Variants in MPZ observed in about 807,000 individuals in gnomAD.
The protein encoded by MPZ is myelin protein zero, also known as myelin protein P0.
MPZ carries 13 observed loss-of-function variants against 27.9 expected under a neutral mutation model. That is an observed-to-expected ratio of 0.47 (90% confidence interval 0.30 to 0.74). MPZ has a LOEUF of 0.74. Ranked by LOEUF, MPZ falls within the 30% of genes least tolerant of loss-of-function variation. MPZ has a pLI of 0.06. For synonymous variants in MPZ, 118 were observed against 128.9 expected, an observed-to-expected ratio of 0.92 and a Z score of 0.57; for missense variants, 256 against 317.5, an observed-to-expected ratio of 0.81 and a Z score of 1.47.
chr1:161,306,016 G>A lies in MPZ; in HGVS notation c.646-39C>T, dbSNP rs549026260. On this transcript the variant is annotated intron_variant, in intron 5 of 5. Transcript: ENST00000533357. ...GCACACATCAGTCACCGAGCGACTG[G>A]GGCTTGACTGTTCCCATCCCACCCC... The A allele has an allele frequency of 9.3e-6, 15 of 1,609,086 alleles. No individual in the cohort carries two copies. In the East Asian group the frequency reaches 3.1e-4, roughly 33 times the overall value.
intron 1 of MPZ, 129 bp from the exon 2 acceptor site, chr1:161,307,553 T>A: frequency 1.0e-6 from 1 of 992,214 alleles, no homozygotes; most frequent in South Asian, 1.5e-5. Flanking sequence ...AACAACAAAT[T>A]CTGAGCCCCA....
chr1:161,304,313 C>G (rs1455467543), downstream of MPZ, among the ~76,000 whole-genome samples: 1 of 152,144 alleles, frequency 6.6e-6, no homozygotes, highest in Non-Finnish European at 1.5e-5. Context: ...TTTCCATACA[C>G]AGGATCTCAT....
chr1:161,307,048 C>T lies in MPZ; in HGVS notation c.235-127G>A, dbSNP rs557850132. The T allele has an allele frequency of 7.4e-5, 71 of 963,736 alleles. No homozygotes were observed. In the South Asian group the frequency reaches 9.0e-4, roughly 12 times the overall value. The allele number at this position is 963,736 out of a possible 1,614,324, so 59.7% of individuals were successfully genotyped here. ...AAAAAAAAAAAAAAAAGCTTCGCTCCAGCCTCAGGGTAAGGGATCTTGGGC... is the reference window on the plus strand; with the variant it reads ...AAAAAAAAAAAAAAAAGCTTCGCTCTAGCCTCAGGGTAAGGGATCTTGGGC... On this transcript the variant is annotated intron_variant, in intron 2 of 5. Transcript: ENST00000533357.
At chr1:161,306,944 T>C (rs1670271121) in intron 2 of MPZ, 23 bp from the exon 3 acceptor site, 2 of 1,543,012 alleles carry the variant, frequency 1.3e-6, no homozygotes, top group Non-Finnish European at 1.8e-6. Flanking sequence ...AGGGGAAGCA[T>C]GTGAGAGGAC....
chr1:161,306,224 G>T lies in MPZ; in HGVS notation c.585-56C>A, dbSNP rs55880062. ...CCTCGCCGGAACCCCTTGCACCGCG[G>T]ACACAGCTTCCTCTTCCCCTTGGCC... On this transcript the variant is annotated intron_variant, in intron 4 of 5. Coordinates refer to ENST00000533357, the MANE Select transcript of MPZ (RefSeq NM_000530.8). 769 of 1,611,938 alleles carry T rather than the reference G, an allele frequency of 4.8e-4. 5 individuals carry two copies. The African/African-American group carries it at 9.2e-3, about 19-fold the overall frequency.
rs540599381 is a variant in MPZ at position 161,307,262 on chromosome 1, A to G, written c.230T>C (p.Ile77Thr). 6 of 1,614,126 alleles carry G rather than the reference A, an allele frequency of 3.7e-6. No homozygotes were observed. The highest frequency in any genetic ancestry group is 5.1e-6 in the Non-Finnish European group (6 of 1,180,048). Residue 77 changes from isoleucine to threonine, a missense_variant, in exon 2 of 6, where the codon ATT becomes ACT. Physicochemically the swap from Ile to Thr is moderately conservative, Grantham distance 89. Coordinates refer to ENST00000533357, the MANE Select transcript of MPZ (RefSeq NM_000530.8). ...RYQPEGGRDA[I>T]SIFHYAKGQP... ...AGGATTCCCCCAGGCACTCACCGAA[A>G]TGGCATCTCTGCCCCCTTCGGGCTG... is the stretch of plus-strand genomic sequence containing the variant.
At chr1:161,309,314 G>A (rs1163615789) in intron 1 of MPZ, among the ~76,000 whole-genome samples, 1 of 151,972 alleles carries the variant, frequency 6.6e-6, no homozygotes, top group Admixed American at 6.6e-5. Context: ...GCACTGCTAG[G>A]GGACGAGTGG....
intron 1 of MPZ, among the ~76,000 whole-genome samples, chr1:161,309,552 A>ATATATATATTTTTTTTTTTT: frequency 5.0e-5 from 4 of 80,644 alleles, no homozygotes; most frequent in African/African-American, 2.3e-4. Context: ...ATATATATAT[A>ATATATATATTTTTTTTTTTT]TTTTTTTTTT....
intron 1 of MPZ, among the ~76,000 whole-genome samples, chr1:161,309,552 A>ATATATATT: frequency 9.9e-5 from 8 of 80,630 alleles, no homozygotes; most frequent in African/African-American, 2.9e-4. Context: ...ATATATATAT[A>ATATATATT]TTTTTTTTTT....
Position 161,305,553 on chromosome 1 carries a change from A to C in MPZ, c.*323T>G. ...AATTGCCTGGGGAATGAATTCTGGA[A>C]TGAAACTTACATCTCAAAGGGAGGT... On this transcript the variant is annotated 3_prime_UTR_variant, in exon 6 of 6. Transcript: ENST00000533357. 2.8e-6 allele frequency: 1 copy of C among 362,458 alleles called. No individual in the cohort carries two copies. Among genetic ancestry groups the C allele is most frequent in the East Asian group, 5.4e-5 (1 of 18,564 alleles). The allele number at this position is 362,458 out of a possible 1,614,324, so 22.5% of individuals were successfully genotyped here.
chr1:161,306,322 C>G lies in MPZ; in HGVS notation c.584+7G>C, dbSNP rs776205122. 4 of 1,614,170 alleles carry G rather than the reference C, an allele frequency of 2.5e-6. 1 individual carries two copies. In the South Asian group the frequency reaches 4.4e-5, roughly 18 times the overall value. On this transcript the variant is annotated splice_region_variant and intron_variant, in intron 4 of 5. Transcript: ENST00000533357. ...GAGGGGGAGGGGAGCTAGGCTCCGC[C>G]CCTTACCTGAGCCTCCTCTGCAGGG...
chr1:161,307,346 T>G lies in MPZ; in HGVS notation c.146A>C (p.His49Pro). The change falls in exon 2 of 6, where the codon CAC becomes CCC. Residue 49 changes from histidine to proline, a missense_variant. Transcript: ENST00000533357. The part of the protein sequence containing the change: ...HGAVGSRVTL[H>P]CSFWSSEWVS... ...CCACTCACTGGACCAGAAGGAGCAG[T>G]GCAGGGTCACCCGGGAGCCCACAGC... 1 of 1,614,262 alleles carries G rather than the reference T, an allele frequency of 6.2e-7. No homozygotes were observed. The highest frequency in any genetic ancestry group is 8.5e-7 in the Non-Finnish European group (1 of 1,180,042).
intron 1 of MPZ, among the ~76,000 whole-genome samples, chr1:161,309,552 A>ATTTTTTTTTTTTTTTTTTT (rs1215409194): frequency 6.2e-5 from 5 of 80,630 alleles, no homozygotes; most frequent in Non-Finnish European, 9.5e-5. Flanking sequence ...ATATATATAT[A>ATTTTTTTTTTTTTTTTTTT]TTTTTTTTTT....
intron 1 of MPZ, among the ~76,000 whole-genome samples, chr1:161,309,552 A>ATATATATATTTTTTTTTTTTT: frequency 1.2e-5 from 1 of 80,664 alleles, no homozygotes; most frequent in African/African-American, 5.8e-5. Flanking sequence ...ATATATATAT[A>ATATATATATTTTTTTTTTTTT]TTTTTTTTTT....
At chr1:161,307,044 G>T in intron 2 of MPZ, 123 bp from the exon 3 acceptor site, 2 of 830,918 alleles carry the variant, frequency 2.4e-6, no homozygotes, top group Non-Finnish European at 3.7e-6. Context: ...AAAAAGCTTC[G>T]CTCCAGCCTC....
In MPZ at chr1:161,305,945, G is replaced by A. The variant is rs762821381; in HGVS notation, c.678C>T (p.Ser226=). The part of the protein sequence containing the change: ...TPVLYAMLDH[S]RSTKAVSEKK... ...TCTCACTGACAGCTTTGGTGCTTCTGCTGTGGTCCAGCATTGCATACAGCA... is the reference window on the plus strand; with the variant it reads ...TCTCACTGACAGCTTTGGTGCTTCTACTGTGGTCCAGCATTGCATACAGCA... Residue 226 remains serine, a synonymous_variant, in exon 6 of 6, where the codon AGC becomes AGT. Transcript: ENST00000533357. The A allele has an allele frequency of 2.5e-6, 4 of 1,613,820 alleles. No homozygotes were observed. Among genetic ancestry groups the A allele is most frequent in the Non-Finnish European group, 3.4e-6 (4 of 1,179,920 alleles).
chr1:161,305,487 TG>T lies in MPZ; in HGVS notation c.*388del. The T allele has an allele frequency of 4.3e-6, 1 of 233,528 alleles. No homozygotes were observed. Among genetic ancestry groups the T allele is most frequent in the Admixed American group, 5.2e-5 (1 of 19,374 alleles). 14.5% of individuals were successfully genotyped at this position (233,528 alleles called of 1,614,324 possible). A position where few individuals can be genotyped will look rare whatever the true frequency, so the allele number is the denominator to read the frequency against. On this transcript the variant is annotated 3_prime_UTR_variant, in exon 6 of 6. Coordinates refer to ENST00000533357, the MANE Select transcript of MPZ (RefSeq NM_000530.8). ...GCAGGTGAGGGGTAGGATTAGCTCC[TG>T]GGCTCCCAGAAAGCCAGGGGTGAAG... is the stretch of plus-strand genomic sequence containing the variant.
chr1:161,305,744 G>A lies in MPZ; in HGVS notation c.*132C>T. 3.0e-6 allele frequency: 2 copies of A among 666,748 alleles called. No homozygotes were observed. The highest frequency in any genetic ancestry group is 2.7e-5 in the East Asian group (1 of 37,000). The allele number at this position is 666,748 out of a possible 1,614,324, so 41.3% of individuals were successfully genotyped here. A position where few individuals can be genotyped will look rare whatever the true frequency, so the allele number is the denominator to read the frequency against. On this transcript the variant is annotated 3_prime_UTR_variant, in exon 6 of 6. Transcript: ENST00000533357. ...GGGCGTTTTTGAGGCTGGTTCTGCT[G>A]GGGGACTTGACAGCAGGCCGGAGCT...
intron 2 of MPZ, 93 bp from the exon 3 acceptor site, chr1:161,307,014 CAAAAA>C (rs34621933): frequency 6.5e-3 from 1,497 of 230,868 alleles, no homozygotes; most frequent in Non-Finnish European, 7.6e-3. Flanking sequence ...AAGAAAAAAG[CAAAAA>C]AAAAAAAAAA....
Sources: gnomAD v4.1 joint callset for allele counts (sites outside exome capture counted in the v4.1 genomes callset) on GRCh38, gnomAD v4.1.1 for gene constraint, MANE v1.5 for transcripts, NCBI Gene and HGNC (gene_info 2026-07-23, HGNC 2026-07-21) for gene names.